BTBD16: variants seen among roughly 807,000 people sequenced by gnomAD.
The protein encoded by BTBD16 is BTB domain containing 16.
BTBD16 carries 66 observed loss-of-function variants against 67.4 expected under a neutral mutation model. That is an observed-to-expected ratio of 0.98 (90% confidence interval 0.80 to 1.20). BTBD16 has a LOEUF of 1.20. Among genes scored for constraint, BTBD16 ranks in the 50% most tolerant of loss-of-function variants. The probability of loss-of-function intolerance (pLI) is 0.00; values close to 1 mark genes in which losing one functional copy is unlikely to be tolerated. For synonymous variants in BTBD16, 242 were observed against 236.4 expected, an observed-to-expected ratio of 1.02 and a Z score of -0.22; for missense variants, 634 against 616.0, an observed-to-expected ratio of 1.03 and a Z score of -0.31.
chr10:122,304,017 T>C (rs1320232253), intron 9 of BTBD16, among the ~76,000 whole-genome samples: 2 of 152,234 alleles, frequency 1.3e-5, no homozygotes, highest in Non-Finnish European at 2.9e-5. Context: ...CCCTCTTTAG[T>C]GAGACCTCAA....
chr10:122,321,162 T>A (rs1000404533), intron 10 of BTBD16, among the ~76,000 whole-genome samples: 4 of 152,224 alleles, frequency 2.6e-5, no homozygotes, highest in African/African-American at 9.6e-5. Context: ...TCTGCATTCA[T>A]GTTGCTGCAA....
At chr10:122,275,242 G>T in intron 2 of BTBD16, 143 bp downstream of exon 2, 2 of 803,836 alleles carry the variant, frequency 2.5e-6, no homozygotes, top group Non-Finnish European at 4.3e-6. Context: ...GAAAGAGCGC[G>T]TCCAGGCAGC....
At chr10:122,284,059 G>A (rs969422358) in intron 4 of BTBD16, 135 bp downstream of exon 4, 5 of 660,298 alleles carry the variant, frequency 7.6e-6, no homozygotes, top group Admixed American at 2.7e-5. Context: ...ACTTCCCAGC[G>A]TCTAAGAAAT....
In BTBD16 at chr10:122,329,475, C is replaced by T. The variant is rs2096451202; in HGVS notation, c.912-5C>T. ...TCTGTTATTCTTCTTTATGCCTCTG[C>T]TAAGCTTTCCTGAGAACTGTTGCTT... is the stretch of plus-strand genomic sequence containing the variant. On this transcript the variant is annotated splice_region_variant and splice_polypyrimidine_tract_variant and intron_variant, in intron 10 of 15. Coordinates refer to ENST00000260723, the MANE Select transcript of BTBD16 (RefSeq NM_144587.5). 1.2e-6 allele frequency: 2 copies of T among 1,613,596 alleles called. No individual in the cohort carries two copies. The highest frequency in any genetic ancestry group is 1.7e-6 in the Non-Finnish European group (2 of 1,179,908).
At chr10:122,275,551 T>C (rs2096338828) in intron 2 of BTBD16, among the ~76,000 whole-genome samples, 1 of 152,176 alleles carries the variant, frequency 6.6e-6, no homozygotes, top group African/African-American at 2.4e-5. Context: ...ACATGAGAAC[T>C]GAGAGCCTCA....
At chr10:122,278,090 G>A (rs965043236) in intron 3 of BTBD16, among the ~76,000 whole-genome samples, 11 of 152,170 alleles carry the variant, frequency 7.2e-5, no homozygotes, top group Non-Finnish European at 1.0e-4. Context: ...TTCCGTTGCC[G>A]AGTTCCTTAG....
intron 4 of BTBD16, among the ~76,000 whole-genome samples, chr10:122,284,837 A>G (rs946927029): frequency 3.3e-5 from 5 of 152,166 alleles, no homozygotes; most frequent in African/African-American, 1.2e-4. Flanking sequence ...TGAGAGAAAG[A>G]GCTCTGGATT....
At chr10:122,328,787 T>C (rs1239807368) in intron 10 of BTBD16, 10 of 985,434 alleles carry the variant, frequency 1.0e-5, no homozygotes, top group Non-Finnish European at 1.1e-5. Context: ...GGAATGCGTG[T>C]CTGTGTGTGC....
At chr10:122,277,077 C>A in intron 3 of BTBD16, 138 bp downstream of exon 3, 1 of 996,958 alleles carries the variant, frequency 1.0e-6, no homozygotes, top group Non-Finnish European at 1.4e-6. Flanking sequence ...CTGGAGCCAG[C>A]TCTCAGGCAT....
chr10:122,331,761 T>G (rs1211052266), intron 12 of BTBD16, among the ~76,000 whole-genome samples: 1 of 152,226 alleles, frequency 6.6e-6, no homozygotes, highest in Non-Finnish European at 1.5e-5. Flanking sequence ...TTTTTAGAGA[T>G]GAAGAGGGGC....
intron 5 of BTBD16, chr10:122,287,402 TC>T (rs2096365954): frequency 1.0e-6 from 1 of 984,670 alleles, no homozygotes; most frequent in African/African-American, 1.7e-5. Flanking sequence ...CTAGAATGGG[TC>T]CCTAAAATGA....
intron 10 of BTBD16, among the ~76,000 whole-genome samples, chr10:122,322,717 C>A (rs553377288): frequency 6.6e-6 from 1 of 152,084 alleles, no homozygotes; most frequent in Non-Finnish European, 1.5e-5. Context: ...GAGATCAACT[C>A]GTTTATCAGG....
chr10:122,279,511 AACACACACACACAC>A (rs143637448), intron 3 of BTBD16, among the ~76,000 whole-genome samples: 6 of 143,868 alleles, frequency 4.2e-5, no homozygotes, highest in African/African-American at 1.5e-4. Flanking sequence ...GAGAAAGAGA[AACACACACACACAC>A]ACACACACAC....
chr10:122,294,967 G>A (rs991460631), intron 7 of BTBD16, among the ~76,000 whole-genome samples: 5 of 152,370 alleles, frequency 3.3e-5, no homozygotes, highest in South Asian at 4.1e-4. Flanking sequence ...GGTGGGGCCC[G>A]AGCCTCCTGT....
At chr10:122,292,679 T>G (rs1354302488) in intron 7 of BTBD16, among the ~76,000 whole-genome samples, 1 of 152,236 alleles carries the variant, frequency 6.6e-6, no homozygotes, top group Non-Finnish European at 1.5e-5. Flanking sequence ...GACAACTTCT[T>G]AGGCTCCTCT....
intron 3 of BTBD16, among the ~76,000 whole-genome samples, chr10:122,282,145 G>T (rs1253987616): frequency 6.6e-6 from 1 of 152,246 alleles, no homozygotes; most frequent in Non-Finnish European, 1.5e-5. Flanking sequence ...CTCAGCCGAT[G>T]ACACTGATGT....
chr10:122,279,750 G>A (rs997574208), intron 3 of BTBD16, among the ~76,000 whole-genome samples: 4 of 152,164 alleles, frequency 2.6e-5, no homozygotes, highest in Non-Finnish European at 5.9e-5. Context: ...ATCCCCCAAA[G>A]CACTACATGG....
chr10:122,275,195 C>A, intron 2 of BTBD16, 96 bp downstream of exon 2: 1 of 1,173,216 alleles, frequency 8.5e-7, no homozygotes, highest in Admixed American at 1.8e-5. Flanking sequence ...GGTTCTGCAC[C>A]ACCGAGGACC....
intron 9 of BTBD16, among the ~76,000 whole-genome samples, chr10:122,302,725 A>G (rs2096396490): frequency 6.6e-6 from 1 of 152,166 alleles, no homozygotes; most frequent in Non-Finnish European, 1.5e-5. Context: ...AATACCCACC[A>G]ATTATTCAGC....
Sources: gnomAD v4.1 joint callset for allele counts (sites outside exome capture counted in the v4.1 genomes callset) on GRCh38, gnomAD v4.1.1 for gene constraint, MANE v1.5 for transcripts, NCBI Gene and HGNC (gene_info 2026-07-23, HGNC 2026-07-21) for gene names.